CCDC181: variants seen among roughly 807,000 people sequenced by gnomAD.
CCDC181 encodes the protein coiled-coil domain-containing protein 181.
In CCDC181, 35 loss-of-function variants were observed where a neutral mutation model predicts 58.7. The observed-to-expected ratio is 0.60, with a 90% CI of 0.46 to 0.79. CCDC181 has a LOEUF of 0.79. Among genes scored for constraint, CCDC181 ranks in the 30% least tolerant of loss-of-function variants. The pLI, the probability that CCDC181 is intolerant of heterozygous loss-of-function variation, is 0.00. For synonymous variants in CCDC181, 183 were observed against 197.5 expected (o/e 0.93, Z 0.62); for missense variants, 517 against 583.9 (o/e 0.89, Z 1.18).
intron 2 of CCDC181, among the ~76,000 whole-genome samples, chr1:169,441,785 A>C (rs868480997): frequency 2.0e-5 from 3 of 151,988 alleles, no homozygotes; most frequent in African/African-American, 7.2e-5. Context: ...AAATGTATTT[A>C]GAATTTATGA....
intron 3 of CCDC181, among the ~76,000 whole-genome samples, chr1:169,420,783 G>C (rs1656417542): frequency 6.6e-6 from 1 of 152,020 alleles, no homozygotes; most frequent in South Asian, 2.1e-4. Context: ...AAGATACATA[G>C]AGTTTCACAT....
chr1:169,439,705 G>T (rs1571510626), intron 2 of CCDC181, among the ~76,000 whole-genome samples: 1 of 152,244 alleles, frequency 6.6e-6, no homozygotes, highest in African/African-American at 2.4e-5. Flanking sequence ...TGGTATCCGG[G>T]TCCTTGTCCC....
At chr1:169,457,300 C>T (rs926923565) in intron 2 of CCDC181, among the ~76,000 whole-genome samples, 3 of 152,074 alleles carry the variant, frequency 2.0e-5, no homozygotes, top group Non-Finnish European at 1.5e-5. Flanking sequence ...GCTAAATTCT[C>T]ATTCTTAACA....
intron 4 of CCDC181, among the ~76,000 whole-genome samples, chr1:169,407,442 A>T (rs1655726579): frequency 6.6e-6 from 1 of 152,216 alleles, no homozygotes; most frequent in Non-Finnish European, 1.5e-5. Flanking sequence ...ATATGTATAT[A>T]TTCAGAGCAA....
chr1:169,428,880 A>G (rs1376889065), upstream of CCDC181, among the ~76,000 whole-genome samples: 1 of 152,114 alleles, frequency 6.6e-6, no homozygotes, highest in African/African-American at 2.4e-5. Context: ...TTCTCCAACA[A>G]CTGAGCTCAG....
At chr1:169,448,436 A>C (rs1363895078) in intron 2 of CCDC181, among the ~76,000 whole-genome samples, 1 of 152,086 alleles carries the variant, frequency 6.6e-6, no homozygotes, top group Non-Finnish European at 1.5e-5. Context: ...TGTGAGAGAT[A>C]ATTTCACTGG....
chr1:169,406,467 A>C (rs991980507), intron 4 of CCDC181, among the ~76,000 whole-genome samples: 1 of 152,250 alleles, frequency 6.6e-6, no homozygotes, highest in Non-Finnish European at 1.5e-5. Context: ...CTATGCAGCC[A>C]TAAAAAAGGA....
intron 4 of CCDC181, among the ~76,000 whole-genome samples, chr1:169,408,915 T>C (rs989400222): frequency 6.6e-6 from 1 of 151,934 alleles, no homozygotes; most frequent in Non-Finnish European, 1.5e-5. Context: ...GGTAGATAAA[T>C]CCATAAAGAT....
intron 2 of CCDC181, among the ~76,000 whole-genome samples, chr1:169,433,273 A>T (rs948992068): frequency 1.1e-4 from 17 of 152,076 alleles, no homozygotes; most frequent in African/African-American, 3.9e-4. Context: ...AACTAAATGG[A>T]TGAAAGATGC....
chr1:169,426,035 A>C (rs1656695399), intron 1 of CCDC181, among the ~76,000 whole-genome samples: 2 of 152,158 alleles, frequency 1.3e-5, no homozygotes, highest in Admixed American at 1.3e-4. Context: ...TCTTTAAGTC[A>C]TACTATTATG....
intron 2 of CCDC181, among the ~76,000 whole-genome samples, chr1:169,434,645 C>G (rs115533059): frequency 6.6e-6 from 1 of 151,330 alleles, no homozygotes; most frequent in Non-Finnish European, 1.5e-5. Flanking sequence ...TGGGATGAAC[C>G]TTTGAAGACA....
rs1656471355 is a variant in CCDC181, at chr1:169,421,709, G to C, written c.722C>G (p.Pro241Arg). Residue 241 changes from proline to arginine, a missense_variant, in exon 3 of 6, where the codon CCC (proline) becomes CGC (arginine). Coordinates refer to ENST00000367806, the MANE Select transcript of CCDC181 (RefSeq NM_001300969.2). Reference sequence around the variant, plus strand: ...TTCTGTACTATTTGCATTATTAATGGGAGGCAAAAACCCCTGACTGGCAAT... The same window carrying C: ...TTCTGTACTATTTGCATTATTAATGCGAGGCAAAAACCCCTGACTGGCAAT... ...QDIASQGFLPPINNANSTEND... is the reference protein window; with the variant it reads ...QDIASQGFLPRINNANSTEND... 1 of 1,613,908 alleles carries C rather than the reference G, an allele frequency of 6.2e-7. No homozygotes were observed. The highest frequency in any genetic ancestry group is 1.3e-5 in the African/African-American group (1 of 74,990).
At chr1:169,402,982 CAAA>C (rs200205840) in intron 4 of CCDC181, among the ~76,000 whole-genome samples, 1 of 122,754 alleles carries the variant, frequency 8.1e-6, no homozygotes, top group East Asian at 3.0e-4. Flanking sequence ...GGAAAACAAA[CAAA>C]AAAAAAAAAA....
Position 169,422,252 on chromosome 1 carries a change from T to A in CCDC181, c.179A>T (p.Glu60Val). ...AGGATCAGAATGCCGTTTGGTGTGC[T>A]CCATTACTGTCTCATTCTCTTTTAA... ...QDLKENETVMEHTKRHSDPDK... is the reference protein window; with the variant it reads ...QDLKENETVMVHTKRHSDPDK... The change falls in exon 3 of 6, where the codon GAG becomes GTG. Residue 60 changes from glutamate (E) to valine (V), a missense_variant. Physicochemically the swap from Glu to Val is moderately radical, Grantham distance 121. Transcript: ENST00000367806. The A allele has an allele frequency of 1.9e-6, 3 of 1,607,246 alleles. No individual in the cohort carries two copies. Among genetic ancestry groups the A allele is most frequent in the Non-Finnish European group, 2.6e-6 (3 of 1,174,716 alleles).
chr1:169,440,146 C>G (rs1420446909), intron 2 of CCDC181, among the ~76,000 whole-genome samples: 1 of 152,186 alleles, frequency 6.6e-6, no homozygotes, highest in Non-Finnish European at 1.5e-5. Context: ...CTTCTACCCG[C>G]TATTTCCTTG....
At chr1:169,457,914 T>C (rs907374767) in intron 2 of CCDC181, among the ~76,000 whole-genome samples, 8 of 152,184 alleles carry the variant, frequency 5.3e-5, no homozygotes, top group African/African-American at 1.7e-4. Context: ...TTTATGATAA[T>C]TGTTTTATAT....
intron 2 of CCDC181, among the ~76,000 whole-genome samples, chr1:169,454,891 T>G (rs944339169): frequency 6.6e-6 from 1 of 152,016 alleles, no homozygotes; most frequent in Non-Finnish European, 1.5e-5. Flanking sequence ...CAATATGTTG[T>G]TTGATTTACA....
chr1:169,443,086 A>T (rs1286543740), intron 2 of CCDC181: 3 of 151,674 alleles, frequency 2.0e-5, no homozygotes, highest in African/African-American at 7.3e-5. Context: ...CAAAAAACTC[A>T]AGACCTTCTT....
intron 2 of CCDC181, among the ~76,000 whole-genome samples, chr1:169,423,453 C>A (rs1656577308): frequency 6.6e-6 from 1 of 151,284 alleles, no homozygotes; most frequent in African/African-American, 2.4e-5. Flanking sequence ...CTTTTGAAAA[C>A]CCACTTTTTA....
Sources: gnomAD v4.1 joint callset for allele counts (sites outside exome capture counted in the v4.1 genomes callset) on GRCh38, gnomAD v4.1.1 for gene constraint, MANE v1.5 for transcripts, NCBI Gene and HGNC (gene_info 2026-07-23, HGNC 2026-07-21) for gene names.